Variants in SNX9 observed in about 807,000 individuals in gnomAD.
SNX9 encodes sorting nexin-9.
Under a neutral mutation model 89.4 loss-of-function variants are expected in SNX9, and 44 were observed. That is an observed-to-expected ratio of 0.49 (90% CI 0.39 to 0.63). SNX9 has a LOEUF of 0.63. Ranked by LOEUF, SNX9 falls within the 30% of genes least tolerant of loss-of-function variation. SNX9 has a pLI of 0.00. For synonymous variants in SNX9, 236 were observed against 247.8 expected (o/e 0.95, Z 0.45); for missense variants, 578 against 736.1 (o/e 0.79, Z 2.49).
At chr6:157,855,755 G>A (rs1438725158) in intron 1 of SNX9, among the ~76,000 whole-genome samples, 1 of 152,116 alleles carries the variant, frequency 6.6e-6, no homozygotes, top group Non-Finnish European at 1.5e-5. Flanking sequence ...TTTTGAGATG[G>A]AGTTTCGCTC....
chr6:157,896,739 T>C (rs967308866), intron 4 of SNX9, 88 bp from the exon 5 acceptor site: 6 of 1,390,322 alleles, frequency 4.3e-6, no homozygotes, highest in Non-Finnish European at 6.0e-6. Flanking sequence ...GTACTCCTGT[T>C]GTATTCAATT....
At chr6:157,872,520 G>C (rs1430544332) in intron 2 of SNX9, 1 of 152,334 alleles carries the variant, frequency 6.6e-6, no homozygotes, top group Non-Finnish European at 1.5e-5. Context: ...GGGACTGACT[G>C]GTCTAAGGTA....
intron 12 of SNX9, among the ~76,000 whole-genome samples, chr6:157,930,274 C>T (rs768250480): frequency 6.6e-6 from 1 of 152,198 alleles, no homozygotes; most frequent in Non-Finnish European, 1.5e-5. Context: ...TCAGGAATAA[C>T]AGTTGTTTCT....
intron 1 of SNX9, among the ~76,000 whole-genome samples, chr6:157,854,876 C>G (rs747618282): frequency 4.0e-5 from 6 of 151,310 alleles, no homozygotes; most frequent in Non-Finnish European, 7.4e-5. Context: ...CAACATGACT[C>G]TGAGCATCCT....
chr6:157,867,372 C>A (rs545046008), intron 1 of SNX9, among the ~76,000 whole-genome samples, 175 bp from the exon 2 acceptor site: 3 of 152,326 alleles, frequency 2.0e-5, no homozygotes, highest in South Asian at 2.1e-4. Context: ...TGGTGTTATT[C>A]TTCCTCAGAG....
rs559972185 is a variant in SNX9, at chr6:157,884,047, T to C, written c.300+8871T>C. ...TTAAAAGACTTACAGATTTCCTGAA[T>C]CCCTGCCTTGGAGAAGTTTGTGTTC... On this transcript the variant is annotated intron_variant, in intron 4 of 17. Transcript: ENST00000392185. Among the ~76,000 whole-genome samples, 4 of 152,334 alleles carry C rather than the reference T, an allele frequency of 2.6e-5. No homozygotes were observed. In the East Asian group the frequency reaches 7.7e-4, roughly 29 times the overall value.
At chr6:157,883,236 A>T (rs1782663927) in intron 4 of SNX9, among the ~76,000 whole-genome samples, 1 of 152,224 alleles carries the variant, frequency 6.6e-6, no homozygotes, top group Non-Finnish European at 1.5e-5. Flanking sequence ...TTTTTTATAC[A>T]TAATGCTCTC....
chr6:157,879,791 G>C (rs1480177522), intron 4 of SNX9, among the ~76,000 whole-genome samples: 1 of 152,180 alleles, frequency 6.6e-6, no homozygotes, highest in African/African-American at 2.4e-5. Context: ...TTCTGAAAAG[G>C]TTTCAGTATA....
chr6:157,826,771 TATAA>T (rs1418175053), intron 1 of SNX9, among the ~76,000 whole-genome samples: 1 of 116,446 alleles, frequency 8.6e-6, no homozygotes, highest in Non-Finnish European at 1.6e-5. Flanking sequence ...ATATATGATA[TATAA>T]ATATATTATA....
At chr6:157,907,974 T>C (rs2115177059) in intron 7 of SNX9, among the ~76,000 whole-genome samples, 1 of 152,348 alleles carries the variant, frequency 6.6e-6, no homozygotes, top group East Asian at 1.9e-4. Context: ...GTTATAGTAA[T>C]TGTTCTCAGA....
At chr6:157,927,002 C>T (rs1783707233) in intron 10 of SNX9, 109 bp from the exon 11 acceptor site, 2 of 776,316 alleles carry the variant, frequency 2.6e-6, no homozygotes, top group Admixed American at 4.6e-5. Context: ...GAGCTGCTTC[C>T]TGAAAATTAG....
At position 157,830,347 on chromosome 6, in the gene SNX9, A is replaced by G. The variant is rs577140127; in HGVS notation, c.12+6901A>G. The stretch of plus-strand genomic sequence containing the variant: ...TTCTAGGTTGACAGCATTTTCTCCT[A>G]GTACAATGAAGGTATTCTTCCTTTG... On this transcript the variant is annotated intron_variant, in intron 1 of 17. Coordinates refer to ENST00000392185, the MANE Select transcript of SNX9 (RefSeq NM_016224.5). The G allele has an allele frequency of 2.0e-5, 3 of 152,320 alleles. No homozygotes were observed. In the East Asian group the frequency reaches 5.8e-4, roughly 29 times the overall value. The allele number at this position is 152,320 out of a possible 1,614,324, so 9.4% of individuals were successfully genotyped here. A position where few individuals can be genotyped will look rare whatever the true frequency, so the allele number is the denominator to read the frequency against.
chr6:157,826,513 A>G (rs1781347914), intron 1 of SNX9, among the ~76,000 whole-genome samples: 1 of 150,862 alleles, frequency 6.6e-6, no homozygotes, highest in South Asian at 2.1e-4. Context: ...AAAAAAAAAA[A>G]AAAAAGGAAA....
intron 6 of SNX9, among the ~76,000 whole-genome samples, chr6:157,904,545 T>C (rs1783171196): frequency 6.6e-6 from 1 of 152,024 alleles, no homozygotes; most frequent in Admixed American, 6.5e-5. Context: ...TACAAGCTGG[T>C]CAAGGAGTTG....
chr6:157,935,966 G>A lies in SNX9; in HGVS notation c.1369G>A (p.Glu457Lys), dbSNP rs1248909278. ...CTGATAAAATTGATCATTTTCAGGTGAAACAGATCTCAATGATGCAATAAC... is the reference window on the plus strand; with the variant it reads ...CTGATAAAATTGATCATTTTCAGGTAAAACAGATCTCAATGATGCAATAAC... ...TVFSSSGYQG[E>K]TDLNDAITEA... Residue 457 changes from glutamate to lysine, a missense_variant and splice_region_variant, in exon 14 of 18, where the codon GAA (glutamate) becomes AAA (lysine). By Grantham distance (56) the Glu-to-Lys change is moderately conservative (BLOSUM62 1). Around this residue, in one of 2 missense-constraint regions of SNX9, gnomAD observed 348 missense variants for 491.4 expected, o/e 0.71. Transcript: ENST00000392185. 6.2e-7 allele frequency: 1 copy of A among 1,607,854 alleles called. No individual in the cohort carries two copies. The highest frequency in any genetic ancestry group is 8.5e-7 in the Non-Finnish European group (1 of 1,177,388).
intron 1 of SNX9, among the ~76,000 whole-genome samples, chr6:157,836,659 C>A (rs1781589048): frequency 6.6e-6 from 1 of 151,668 alleles, no homozygotes; most frequent in African/African-American, 2.4e-5. Flanking sequence ...GGCGCGATCT[C>A]AGCTCACTGC....
chr6:157,826,869 A>G (rs1333704736), intron 1 of SNX9, among the ~76,000 whole-genome samples: 2 of 115,470 alleles, frequency 1.7e-5, no homozygotes. Context: ...TATATATTAT[A>G]GTTTATATAA....
intron 4 of SNX9, among the ~76,000 whole-genome samples, chr6:157,881,484 A>G (rs551409407): frequency 1.8e-3 from 278 of 152,272 alleles, no homozygotes; most frequent in Non-Finnish European, 3.0e-3. Context: ...ACTTTAAATC[A>G]AGAGCTAGAA....
At chr6:157,932,925 A>G (rs997776423) in intron 13 of SNX9, among the ~76,000 whole-genome samples, 2 of 151,324 alleles carry the variant, frequency 1.3e-5, no homozygotes, top group Non-Finnish European at 2.9e-5. Flanking sequence ...TTTCAAGGAA[A>G]AATGTTTGAC....
Sources: allele counts gnomAD v4.1 joint callset (sites outside exome capture counted in the v4.1 genomes callset), GRCh38; gene constraint gnomAD v4.1.1; regional missense constraint gnomAD v4.1.1; transcripts MANE v1.5; gene names NCBI Gene and HGNC (gene_info 2026-07-23, HGNC 2026-07-21).